The following RAD50 variants were observed in gnomAD, a reference collection of about 807,000 sequenced individuals.
RAD50 encodes the protein DNA repair protein RAD50.
Under a neutral mutation model 168.8 loss-of-function variants are expected in RAD50, and 132 were observed. That is an observed-to-expected ratio of 0.78 (90% confidence interval 0.68 to 0.90). The LOEUF is 0.90. Among genes scored for constraint, RAD50 ranks in the 40% least tolerant of loss-of-function variants. RAD50 has a pLI of 0.00. For synonymous variants in RAD50, 525 were observed against 497.4 expected, an observed-to-expected ratio of 1.06 and a Z score of -0.74; for missense variants, 1,347 against 1,534.4, an observed-to-expected ratio of 0.88 and a Z score of 2.04.
At chr5:132,579,233 G>A (rs1750456836) in intron 3 of RAD50, 84 bp from the exon 4 acceptor site, 7 of 1,377,390 alleles carry the variant, frequency 5.1e-6, no homozygotes. Context: ...TTCTTTTAAA[G>A]AAGTACAGTA....
At chr5:132,573,114 G>C (rs1750335779) in intron 2 of RAD50, among the ~76,000 whole-genome samples, 1 of 152,138 alleles carries the variant, frequency 6.6e-6, no homozygotes, top group African/African-American at 2.4e-5. Flanking sequence ...AAATGTCCTT[G>C]TTTTGTAGGA....
At chr5:132,635,714 C>CT (rs1353173648) in intron 21 of RAD50, among the ~76,000 whole-genome samples, 2 of 152,012 alleles carry the variant, frequency 1.3e-5, no homozygotes, top group African/African-American at 2.4e-5. Context: ...GGAAAGATAA[C>CT]TTTTTTTTAA....
intron 21 of RAD50, among the ~76,000 whole-genome samples, chr5:132,627,712 G>A (rs1322890715): frequency 6.6e-6 from 1 of 152,196 alleles, no homozygotes; most frequent in African/African-American, 2.4e-5. Flanking sequence ...CATTCTAACT[G>A]CATTGGGCAG....
chr5:132,559,107 A>G (rs1750074779), intron 1 of RAD50, among the ~76,000 whole-genome samples, 177 bp from the exon 2 acceptor site: 1 of 152,156 alleles, frequency 6.6e-6, no homozygotes. Flanking sequence ...GTTATATAGC[A>G]TTTCTGTGAA....
At chr5:132,590,445 G>A (rs1750678156) in intron 9 of RAD50, among the ~76,000 whole-genome samples, 1 of 152,164 alleles carries the variant, frequency 6.6e-6, no homozygotes. Context: ...TCTCCAGCCT[G>A]GGTGACAGAG....
At position 132,557,268 on chromosome 5, in the gene RAD50, C is replaced by T. The variant is rs1750016275; in HGVS notation, c.-57C>T. The stretch of plus-strand genomic sequence containing the variant: ...CGTCCCGTGCACGCCTTGCTTCGGC[C>T]TCAGTTAAGCCTTTGTGGGCTCCAG... On this transcript the variant is annotated 5_prime_UTR_variant, in exon 1 of 25. Coordinates refer to ENST00000378823, the MANE Select transcript of RAD50 (RefSeq NM_005732.4). 3.1e-6 allele frequency: 5 copies of T among 1,599,158 alleles called. No individual in the cohort carries two copies. Among genetic ancestry groups the T allele is most frequent in the Non-Finnish European group, 4.3e-6 (5 of 1,166,318 alleles).
At chr5:132,622,903 C>T (rs1246007836) in intron 21 of RAD50, among the ~76,000 whole-genome samples, 2 of 152,152 alleles carry the variant, frequency 1.3e-5, no homozygotes, top group African/African-American at 4.8e-5. Context: ...CATTGGCCTG[C>T]ATGTAGGGTT....
At chr5:132,631,125 T>TA (rs1751456372) in intron 21 of RAD50, among the ~76,000 whole-genome samples, 1 of 151,056 alleles carries the variant, frequency 6.6e-6, no homozygotes, top group South Asian at 2.1e-4. Context: ...TCACTTTTTT[T>TA]TTTTTTTTTT....
intron 21 of RAD50, among the ~76,000 whole-genome samples, chr5:132,631,138 T>TTTA (rs1554100511): frequency 6.7e-6 from 1 of 150,148 alleles, no homozygotes; most frequent in Non-Finnish European, 1.5e-5. Flanking sequence ...TTTTTTTTTT[T>TTTA]AAGACAGAGT....
intron 13 of RAD50, among the ~76,000 whole-genome samples, chr5:132,601,318 T>G (rs1580999922): frequency 6.6e-6 from 1 of 152,266 alleles, no homozygotes; most frequent in East Asian, 1.9e-4. Flanking sequence ...TTTTAACATC[T>G]TATGTAATCA....
intron 22 of RAD50, among the ~76,000 whole-genome samples, chr5:132,637,529 C>T (rs6871939): frequency 0.035 from 5,050 of 144,048 alleles, 285 homozygotes; most frequent in African/African-American, 0.12. Flanking sequence ...TTTTCTTTTT[C>T]TTTTTTTTTT....
chr5:132,586,927 G>T (rs1750604277), intron 5 of RAD50, among the ~76,000 whole-genome samples: 1 of 152,148 alleles, frequency 6.6e-6, no homozygotes, highest in Non-Finnish European at 1.5e-5. Flanking sequence ...AGAAGAGTTG[G>T]TCAGTTTTGG....
chr5:132,566,775 GATAC>G (rs1208111096), intron 2 of RAD50, among the ~76,000 whole-genome samples: 5 of 152,176 alleles, frequency 3.3e-5, no homozygotes, highest in African/African-American at 1.2e-4. Context: ...ATTTTAGGTT[GATAC>G]TCTTCTTTTC....
At chr5:132,598,014 A>AT (rs1428357253) in intron 13 of RAD50, among the ~76,000 whole-genome samples, 1 of 151,588 alleles carries the variant, frequency 6.6e-6, no homozygotes, top group Non-Finnish European at 1.5e-5. Context: ...AGAAATTAAC[A>AT]TCGTATTATA....
chr5:132,574,246 T>C (rs971320007), intron 2 of RAD50, among the ~76,000 whole-genome samples: 2 of 152,140 alleles, frequency 1.3e-5, no homozygotes, highest in African/African-American at 2.4e-5. Flanking sequence ...CCCTCTGAAA[T>C]CTAGGCAGAG....
rs878854798 is a variant in RAD50 at position 132,618,193 on chromosome 5, A to G, written c.3288A>G (p.Gln1096=). The change falls in exon 21 of 25, where the codon CAA becomes CAG. Residue 1096 remains glutamine (Q), a synonymous_variant. Coordinates refer to ENST00000378823, the MANE Select transcript of RAD50 (RefSeq NM_005732.4). ...TTAAGAAAGAACTTCGAGAACCACA[A>G]TTTCGGGATGCTGAGGAAAAGTATA... is the stretch of plus-strand genomic sequence containing the variant. The part of the protein sequence containing the change: ...IHFKKELREP[Q]FRDAEEKYRE... 6 of 1,613,876 alleles carry G rather than the reference A, an allele frequency of 3.7e-6. No individual in the cohort carries two copies. In the African/African-American group the frequency reaches 8.0e-5, roughly 22 times the overall value.
At chr5:132,625,438 C>G (rs142296762) in intron 21 of RAD50, among the ~76,000 whole-genome samples, 2 of 152,048 alleles carry the variant, frequency 1.3e-5, no homozygotes, top group Admixed American at 1.3e-4. Flanking sequence ...GCTATATAGC[C>G]GGTATATTTA....
In RAD50 at chr5:132,557,300, G is replaced by A. The variant is rs1227652607; in HGVS notation, c.-25G>A. ...AAGCCTTTGTGGGCTCCAGGTCCCT[G>A]GTGAGATTAGAAACGTTTGCAAACA... On this transcript the variant is annotated 5_prime_UTR_variant, in exon 1 of 25. Coordinates refer to ENST00000378823, the MANE Select transcript of RAD50 (RefSeq NM_005732.4). 4 of 1,613,586 alleles carry A rather than the reference G, an allele frequency of 2.5e-6. No homozygotes were observed. In the Admixed American group the frequency reaches 6.7e-5, roughly 27 times the overall value.
Position 132,592,109 on chromosome 5 carries a change from T to G in RAD50, c.1793+75T>G. On this transcript the variant is annotated intron_variant, in intron 11 of 24. Coordinates refer to ENST00000378823, the MANE Select transcript of RAD50 (RefSeq NM_005732.4). Reference sequence around the variant, plus strand: ...ACCTGTTTAATTGTTTTAAAATAATTTATTGTCATGAAATGGTATGTTATA... The same window carrying G: ...ACCTGTTTAATTGTTTTAAAATAATGTATTGTCATGAAATGGTATGTTATA... 3 of 1,468,010 alleles carry G rather than the reference T, an allele frequency of 2.0e-6. No homozygotes were observed. The South Asian group carries it at 3.4e-5, about 17-fold the overall frequency. 90.9% of individuals were successfully genotyped at this position (1,468,010 alleles called of 1,614,324 possible).
Sources: allele counts gnomAD v4.1 joint callset (sites outside exome capture counted in the v4.1 genomes callset), GRCh38; gene constraint gnomAD v4.1.1; transcripts MANE v1.5; gene names NCBI Gene and HGNC (gene_info 2026-07-23, HGNC 2026-07-21).